The following ASCC3 variants were observed in gnomAD, a reference collection of about 807,000 sequenced individuals.
The protein encoded by ASCC3 is activating signal cointegrator 1 complex subunit 3.
In ASCC3, 158 loss-of-function variants were observed where a neutral mutation model predicts 256.3. The ratio of observed to expected loss-of-function variants is 0.62; its 90% CI spans 0.54 to 0.70. ASCC3 has a LOEUF of 0.70. Among genes scored for constraint, ASCC3 ranks in the 30% least tolerant of loss-of-function variants. The pLI is 0.00. For synonymous variants in ASCC3, 948 were observed against 883.4 expected (o/e 1.07, Z -1.30); for missense variants, 2,259 against 2,626.0 (o/e 0.86, Z 3.05).
At chr6:100,576,988 C>T (rs1293587653) in intron 36 of ASCC3, among the ~76,000 whole-genome samples, 1 of 148,630 alleles carries the variant, frequency 6.7e-6, no homozygotes, top group Non-Finnish European at 1.5e-5. Context: ...TAATAATCAA[C>T]AGGAATTAGT....
At chr6:100,712,697 G>C (rs1178425734) in intron 13 of ASCC3, among the ~76,000 whole-genome samples, 3 of 150,384 alleles carry the variant, frequency 2.0e-5, no homozygotes, top group Non-Finnish European at 3.0e-5. Context: ...AGATAGTTTG[G>C]TAGTTTTTTA....
rs540804937 is a variant in ASCC3 at position 100,823,065 on chromosome 6, AAG to A, written c.802-17187_802-17186del. ...CCTAAGACCTAGCAAAAGAGATAAAAAGAGTGCTTTGCTCTTAATAGGATTTC... is the reference window on the plus strand; with the variant it reads ...CCTAAGACCTAGCAAAAGAGATAAAAAGTGCTTTGCTCTTAATAGGATTTC... On this transcript the variant is annotated intron_variant, in intron 4 of 41. Coordinates refer to ENST00000369162, the MANE Select transcript of ASCC3 (RefSeq NM_006828.4). 3.9e-4 allele frequency among the ~76,000 whole-genome samples: 60 copies of A among 152,292 alleles called. 1 individual carries two copies. The highest frequency in any genetic ancestry group is 1.4e-3 in the African/African-American group (59 of 41,560).
intron 11 of ASCC3, among the ~76,000 whole-genome samples, 195 bp downstream of exon 11, chr6:100,725,344 G>A (rs1014469950): frequency 1.3e-5 from 2 of 151,848 alleles, no homozygotes; most frequent in African/African-American, 4.8e-5. Context: ...TACCAATTTT[G>A]GTTTGGGCTA....
intron 10 of ASCC3, among the ~76,000 whole-genome samples, chr6:100,758,638 T>C (rs1325531331): frequency 1.3e-5 from 2 of 152,212 alleles, no homozygotes; most frequent in South Asian, 2.1e-4. Flanking sequence ...CAGTCTACCA[T>C]TGTTGGCATT....
At chr6:100,702,275 G>C (rs1778392853) in intron 13 of ASCC3, among the ~76,000 whole-genome samples, 1 of 152,136 alleles carries the variant, frequency 6.6e-6, no homozygotes, top group South Asian at 2.1e-4. Context: ...GATAGGCATT[G>C]GTGAGGGTTT....
chr6:100,860,636 T>A (rs1773178093), intron 3 of ASCC3, among the ~76,000 whole-genome samples: 1 of 152,078 alleles, frequency 6.6e-6, no homozygotes, highest in South Asian at 2.1e-4. Context: ...CTGTAATACC[T>A]GTTTCATTAA....
intron 36 of ASCC3, among the ~76,000 whole-genome samples, chr6:100,542,165 C>G (rs745419323): frequency 2.0e-5 from 3 of 152,054 alleles, no homozygotes; most frequent in Non-Finnish European, 4.4e-5. Flanking sequence ...TCTATAGATT[C>G]AAGATATTCA....
intron 40 of ASCC3, among the ~76,000 whole-genome samples, chr6:100,510,783 A>G (rs1004345094): frequency 1.3e-5 from 2 of 152,238 alleles, no homozygotes; most frequent in African/African-American, 2.4e-5. Flanking sequence ...TCTTTATTTT[A>G]GATCAATTTT....
intron 24 of ASCC3, among the ~76,000 whole-genome samples, chr6:100,639,839 G>A (rs1488037357): frequency 1.3e-5 from 2 of 152,202 alleles, no homozygotes; most frequent in Non-Finnish European, 2.9e-5. Flanking sequence ...TTGAGGCCGG[G>A]AGCGGTGGCT....
intron 13 of ASCC3, among the ~76,000 whole-genome samples, chr6:100,696,030 T>C (rs972155495): frequency 6.6e-6 from 1 of 152,182 alleles, no homozygotes; most frequent in African/African-American, 2.4e-5. Context: ...GTTACTAATT[T>C]AAATGATGGG....
Position 100,516,287 on chromosome 6 carries a change from G to C in ASCC3, c.5968C>G (p.Arg1990Gly). Residue 1990 changes from arginine to glycine, a missense_variant, in exon 39 of 42, where the codon CGG becomes GGG. Arg to Gly is a moderately radical substitution (Grantham distance 125, BLOSUM62 -2). Coordinates refer to ENST00000369162, the MANE Select transcript of ASCC3 (RefSeq NM_006828.4). ...TCAGGAAGGGACTCGATGGAGGTCC[G>C]ACCCCTAGCATGTGGGCCCTTCATA... The part of the protein sequence containing the change: ...PIMKGPHARG[R>G]TSIESLPELI... 6.2e-7 allele frequency: 1 copy of C among 1,613,674 alleles called. No homozygotes were observed. Among genetic ancestry groups the C allele is most frequent in the East Asian group, 2.2e-5 (1 of 44,866 alleles).
intron 4 of ASCC3, among the ~76,000 whole-genome samples, chr6:100,809,126 A>C (rs1162482029): frequency 6.6e-6 from 1 of 151,958 alleles, no homozygotes; most frequent in East Asian, 1.9e-4. Context: ...GTACTACCGT[A>C]GACTTTATAA....
chr6:100,719,533 C>T (rs1331855295), intron 11 of ASCC3, among the ~76,000 whole-genome samples: 3 of 152,022 alleles, frequency 2.0e-5, no homozygotes, highest in African/African-American at 4.8e-5. Flanking sequence ...AAACACCAGA[C>T]ATTTTTCTGC....
intron 8 of ASCC3, among the ~76,000 whole-genome samples, chr6:100,794,367 C>A (rs1769495959): frequency 6.6e-6 from 1 of 152,040 alleles, no homozygotes; most frequent in Non-Finnish European, 1.5e-5. Context: ...TGCTTGATGT[C>A]CAAAGGTAAC....
chr6:100,631,038 TAA>T (rs1282984341), intron 26 of ASCC3, 88 bp downstream of exon 26: 5 of 935,600 alleles, frequency 5.3e-6, no homozygotes, highest in Admixed American at 4.1e-5. Flanking sequence ...AAAATCACTG[TAA>T]AACCATTCAA....
rs560563413 is a variant in ASCC3, at chr6:100,646,595, T to C, written c.3633+20A>G. On this transcript the variant is annotated intron_variant, in intron 22 of 41. Transcript: ENST00000369162. ...CAGATATTTTTGTTTAACACAGATA[T>C]AGCCGTTTTCCACTTCTACCTGATC... The C allele has an allele frequency of 3.1e-6, 5 of 1,613,882 alleles. No homozygotes were observed. In the South Asian group the frequency reaches 3.3e-5, roughly 11 times the overall value.
chr6:100,514,165 C>G (rs1161943098), intron 39 of ASCC3, among the ~76,000 whole-genome samples: 2 of 152,046 alleles, frequency 1.3e-5, no homozygotes, highest in Non-Finnish European at 2.9e-5. Context: ...CTTGTCTTAT[C>G]AATCTGAAAT....
At chr6:100,813,908 C>A (rs915650291) in intron 4 of ASCC3, among the ~76,000 whole-genome samples, 3 of 152,008 alleles carry the variant, frequency 2.0e-5, no homozygotes, top group African/African-American at 7.2e-5. Context: ...AGACTGACTT[C>A]CTCTCTTCCT....
intron 1 of ASCC3, among the ~76,000 whole-genome samples, chr6:100,869,925 A>G (rs1773653859): frequency 6.6e-6 from 1 of 152,210 alleles, no homozygotes; most frequent in Non-Finnish European, 1.5e-5. Flanking sequence ...ACCTCTCTAC[A>G]TAATAATATA....
Sources: gnomAD v4.1 joint callset for allele counts (sites outside exome capture counted in the v4.1 genomes callset) on GRCh38, gnomAD v4.1.1 for gene constraint, MANE v1.5 for transcripts, NCBI Gene and HGNC (gene_info 2026-07-23, HGNC 2026-07-21) for gene names.